The following BZW2 variants were observed in gnomAD, a reference collection of about 807,000 sequenced individuals.
BZW2 encodes eIF5-mimic protein 1.
BZW2 carries 23 observed loss-of-function variants against 53.2 expected under a neutral mutation model. That is an observed-to-expected ratio of 0.43 (90% CI 0.31 to 0.61). BZW2 has a LOEUF of 0.61. Among genes scored for constraint, BZW2 ranks in the 20% least tolerant of loss-of-function variants. The pLI is 0.09. For missense variants in BZW2, 409 were observed against 503.1 expected, an observed-to-expected ratio of 0.81 and a Z score of 1.79; for synonymous variants, 227 against 186.4, an observed-to-expected ratio of 1.22 and a Z score of -1.77.
chr7:16,651,528 A>G (rs942113492), intron 1 of BZW2, among the ~76,000 whole-genome samples: 1 of 152,252 alleles, frequency 6.6e-6, no homozygotes, highest in South Asian at 2.1e-4. Context: ...GAATGGGACT[A>G]TTATAAACAG....
At chr7:16,653,669 T>C (rs1395342238) in intron 1 of BZW2, among the ~76,000 whole-genome samples, 7 of 152,238 alleles carry the variant, frequency 4.6e-5, no homozygotes, top group Admixed American at 6.5e-5. Context: ...GGAAGGAACA[T>C]TGGAGATGAG....
intron 1 of BZW2, among the ~76,000 whole-genome samples, chr7:16,660,352 A>G (rs706027): frequency 6.7e-6 from 1 of 149,764 alleles, no homozygotes; most frequent in Admixed American, 6.7e-5. Flanking sequence ...GTGAGCAGAT[A>G]TCACACCCCT....
Position 16,665,944 on chromosome 7 carries a change from A to C in BZW2, c.58+443A>C, listed in dbSNP as rs552123533. 5.3e-5 allele frequency among the ~76,000 whole-genome samples: 8 copies of C among 152,322 alleles called. No individual in the cohort carries two copies. The East Asian group carries it at 7.7e-4, about 15-fold the overall frequency. On this transcript the variant is annotated intron_variant, in intron 2 of 11. Transcript: ENST00000258761. ...GAAGTCAAAATAAATCTACTGCCCTAAATTCCCCTTAAAAACCATATTTTC... is the reference window on the plus strand; with the variant it reads ...GAAGTCAAAATAAATCTACTGCCCTCAATTCCCCTTAAAAACCATATTTTC...
chr7:16,665,507 TTGTG>T lies in BZW2; in HGVS notation c.58+26_58+29del, dbSNP rs71848458. ...GTTCAAAACTCGGAAAAGGGGTAGG[TTGTG>T]TGTGTGTGTGTGTGTGTGTTTAAAG... On this transcript the variant is annotated splice_region_variant and intron_variant, in intron 2 of 11. Coordinates refer to ENST00000258761, the MANE Select transcript of BZW2 (RefSeq NM_014038.3). 2.9e-4 allele frequency: 448 copies of T among 1,543,726 alleles called. No homozygotes were observed. Among genetic ancestry groups the T allele is most frequent in the Non-Finnish European group, 3.4e-4 (388 of 1,126,744 alleles).
chr7:16,699,388 T>C (rs1489725934), intron 10 of BZW2, among the ~76,000 whole-genome samples: 1 of 152,148 alleles, frequency 6.6e-6, no homozygotes, highest in Admixed American at 6.6e-5. Context: ...TCATAGATGG[T>C]ACCCAGCAGC....
chr7:16,690,094 C>T (rs898307516), intron 7 of BZW2, among the ~76,000 whole-genome samples, 188 bp downstream of exon 7: 1 of 151,924 alleles, frequency 6.6e-6, no homozygotes, highest in Non-Finnish European at 1.5e-5. Flanking sequence ...ACAAATGGCA[C>T]AATAAAATTA....
In BZW2 at chr7:16,698,920, T is replaced by C. The variant is rs554797298; in HGVS notation, c.1108+734T>C. Among the ~76,000 whole-genome samples the C allele has an allele frequency of 7.4e-4, 112 of 152,338 alleles. 1 individual carries two copies. Among genetic ancestry groups the C allele is most frequent in the African/African-American group, 2.6e-3 (107 of 41,570 alleles). ...TTTTATGTTATTATGTTCATAAATATCATATCAGAAAAGTTAAAATAATAC... is the reference window on the plus strand; with the variant it reads ...TTTTATGTTATTATGTTCATAAATACCATATCAGAAAAGTTAAAATAATAC... On this transcript the variant is annotated intron_variant, in intron 10 of 11. Coordinates refer to ENST00000258761, the MANE Select transcript of BZW2 (RefSeq NM_014038.3).
chr7:16,705,975 G>C (rs1783842380), intron 11 of BZW2, 85 bp from the exon 12 acceptor site: 3 of 1,474,466 alleles, frequency 2.0e-6, no homozygotes, highest in Admixed American at 1.8e-5. Flanking sequence ...GCAATGGCAG[G>C]GTTCTGGGTT....
intron 2 of BZW2, among the ~76,000 whole-genome samples, chr7:16,669,971 C>T (rs2128356444): frequency 6.6e-6 from 1 of 152,316 alleles, no homozygotes; most frequent in Middle Eastern, 3.4e-3. Context: ...ACTACATTTA[C>T]TGTACTTTCA....
intron 8 of BZW2, among the ~76,000 whole-genome samples, chr7:16,695,443 G>C (rs1402139429): frequency 6.6e-6 from 1 of 152,032 alleles, no homozygotes; most frequent in Admixed American, 6.6e-5. Flanking sequence ...CTTTTTATTT[G>C]AAAAAAGTTT....
At chr7:16,684,412 A>G (rs996756154) in intron 5 of BZW2, among the ~76,000 whole-genome samples, 3 of 152,248 alleles carry the variant, frequency 2.0e-5, no homozygotes, top group African/African-American at 7.2e-5. Context: ...ATATGTGTGT[A>G]TACATGTAAT....
intron 1 of BZW2, among the ~76,000 whole-genome samples, chr7:16,652,190 G>C (rs972839299): frequency 2.6e-5 from 4 of 152,128 alleles, no homozygotes; most frequent in Admixed American, 6.5e-5. Context: ...CTTAGGGACT[G>C]GGCTTACATC....
At chr7:16,701,739 G>A (rs1783674199) in intron 10 of BZW2, among the ~76,000 whole-genome samples, 1 of 152,154 alleles carries the variant, frequency 6.6e-6, no homozygotes, top group South Asian at 2.1e-4. Flanking sequence ...TTAAACGTGT[G>A]TTGAATCGAT....
At chr7:16,703,107 T>G (rs1783720258) in intron 10 of BZW2, among the ~76,000 whole-genome samples, 1 of 152,132 alleles carries the variant, frequency 6.6e-6, no homozygotes, top group African/African-American at 2.4e-5. Context: ...TCTATGACAA[T>G]TAGGCTCTGA....
chr7:16,682,297 G>T (rs946807827), intron 4 of BZW2, among the ~76,000 whole-genome samples: 1 of 152,184 alleles, frequency 6.6e-6, no homozygotes, highest in Admixed American at 6.5e-5. Context: ...TTGCTTCAGA[G>T]TTCTAACAGG....
At chr7:16,655,595 T>C (rs557128399) in intron 1 of BZW2, among the ~76,000 whole-genome samples, 1 of 152,302 alleles carries the variant, frequency 6.6e-6, no homozygotes, top group South Asian at 2.1e-4. Flanking sequence ...AATAACTCTA[T>C]TGTGCAATAG....
At chr7:16,696,589 G>A (rs1361224216) in intron 8 of BZW2, among the ~76,000 whole-genome samples, 1 of 152,160 alleles carries the variant, frequency 6.6e-6, no homozygotes, top group African/African-American at 2.4e-5. Context: ...TCTCCAAAAA[G>A]TCAAACTGGC....
At position 16,694,999 on chromosome 7, in the gene BZW2, A is replaced by C. The variant is rs1783434344; in HGVS notation, c.817A>C (p.Lys273Gln). The C allele has an allele frequency of 1.3e-6, 2 of 1,574,206 alleles. No homozygotes were observed. Among genetic ancestry groups the C allele is most frequent in the Non-Finnish European group, 1.7e-6 (2 of 1,149,352 alleles). The change falls in exon 8 of 12, where the codon AAG becomes CAG. Residue 273 changes from lysine (K) to glutamine (Q), a missense_variant. Coordinates refer to ENST00000258761, the MANE Select transcript of BZW2 (RefSeq NM_014038.3). ...GCGTCTTTCTCAGGAATGCCCGATC[A>C]AGGAGGTGGGAGACCACGGGCAGAC... The part of the protein sequence containing the change: ...QERLSQECPI[K>Q]EVVLYVKEEM...
chr7:16,673,254 T>C (rs114843534), intron 2 of BZW2, among the ~76,000 whole-genome samples: 3,208 of 152,176 alleles, frequency 0.021, 107 homozygotes, highest in African/African-American at 0.074. Context: ...CCTTGTCTTA[T>C]CCACTTTCTA....
Sources: gnomAD v4.1 joint callset for allele counts (sites outside exome capture counted in the v4.1 genomes callset) on GRCh38, gnomAD v4.1.1 for gene constraint, MANE v1.5 for transcripts, NCBI Gene and HGNC (gene_info 2026-07-23, HGNC 2026-07-21) for gene names.